Variants in XYLT1 observed in about 807,000 individuals in gnomAD.
XYLT1 encodes beta-D-xylosyltransferase 1.
XYLT1 carries 36 observed loss-of-function variants against 91.3 expected under a neutral mutation model. The ratio of observed to expected loss-of-function variants is 0.39; its 90% CI spans 0.30 to 0.52. The LOEUF is 0.52. Ranked by LOEUF, XYLT1 falls within the 20% of genes least tolerant of loss-of-function variation. XYLT1 has a pLI of 0.68. For missense variants in XYLT1, 1,242 were observed against 1,284.5 expected, an observed-to-expected ratio of 0.97 and a Z score of 0.51; for synonymous variants, 588 against 532.0, an observed-to-expected ratio of 1.11 and a Z score of -1.45.
At chr16:17,418,749 G>A (rs2036211501) in intron 1 of XYLT1, among the ~76,000 whole-genome samples, 1 of 152,044 alleles carries the variant, frequency 6.6e-6, no homozygotes, top group Non-Finnish European at 1.5e-5. Flanking sequence ...TTGGGAGTCT[G>A]AGGTGGGAGG....
intron 3 of XYLT1, among the ~76,000 whole-genome samples, chr16:17,206,132 T>A (rs893053445): frequency 2.0e-5 from 3 of 152,060 alleles, no homozygotes; most frequent in Non-Finnish European, 2.9e-5. Flanking sequence ...ATTTACAAAG[T>A]GGGAAGAGAG....
At chr16:17,323,597 C>T (rs916783500) in intron 2 of XYLT1, among the ~76,000 whole-genome samples, 2 of 152,206 alleles carry the variant, frequency 1.3e-5, no homozygotes, top group East Asian at 1.9e-4. Context: ...TTCGTCATCA[C>T]GGTTCACTTT....
At chr16:17,375,442 AT>A (rs1263406648) in intron 1 of XYLT1, among the ~76,000 whole-genome samples, 1 of 147,100 alleles carries the variant, frequency 6.8e-6, no homozygotes, top group East Asian at 1.9e-4. Flanking sequence ...AAAAAAAAAA[AT>A]AAAATTTTAG....
chr16:17,188,268 G>C (rs1449312145), intron 5 of XYLT1, among the ~76,000 whole-genome samples: 1 of 152,052 alleles, frequency 6.6e-6, no homozygotes, highest in Non-Finnish European at 1.5e-5. Flanking sequence ...CAGCCAGTAC[G>C]ATCTCTCAAT....
Position 17,203,076 on chromosome 16 carries a change from T to C in XYLT1, c.914-2422A>G, listed in dbSNP as rs1280056498. 2.0e-5 allele frequency among the ~76,000 whole-genome samples: 3 copies of C among 152,190 alleles called. No homozygotes were observed. In the East Asian group the frequency reaches 5.8e-4, roughly 29 times the overall value. On this transcript the variant is annotated intron_variant, in intron 3 of 11. Coordinates refer to ENST00000261381, the MANE Select transcript of XYLT1 (RefSeq NM_022166.4). ...TGGCTCAAGGTCACACTGCTTTAAT[T>C]AGTTAAGCTGAGATTCAAACACAGG...
chr16:17,149,354 C>A (rs193238538), intron 6 of XYLT1, among the ~76,000 whole-genome samples: 88 of 151,948 alleles, frequency 5.8e-4, no homozygotes, highest in African/African-American at 2.1e-3. Flanking sequence ...GGAATCTTCA[C>A]AAGCAGCTAA....
intron 3 of XYLT1, among the ~76,000 whole-genome samples, chr16:17,241,556 T>C (rs1352174394): frequency 1.3e-5 from 2 of 152,168 alleles, no homozygotes; most frequent in Non-Finnish European, 2.9e-5. Context: ...TTAATGGCCA[T>C]AAAATTTCAG....
intron 2 of XYLT1, among the ~76,000 whole-genome samples, chr16:17,316,783 C>T (rs1200700242): frequency 6.6e-6 from 1 of 150,798 alleles, no homozygotes; most frequent in African/African-American, 2.5e-5. Flanking sequence ...TTTACACAGA[C>T]CCTGTTACCT....
intron 2 of XYLT1, among the ~76,000 whole-genome samples, chr16:17,282,914 C>G (rs2034078576): frequency 6.6e-6 from 1 of 152,098 alleles, no homozygotes; most frequent in South Asian, 2.1e-4. Flanking sequence ...GCTACTATTG[C>G]TAACCCCATT....
intron 2 of XYLT1, among the ~76,000 whole-genome samples, chr16:17,305,775 C>G (rs1389514442): frequency 1.3e-5 from 2 of 152,106 alleles, no homozygotes; most frequent in African/African-American, 2.4e-5. Flanking sequence ...ACCCGGCAAA[C>G]CCCAGACTCT....
intron 1 of XYLT1, among the ~76,000 whole-genome samples, chr16:17,432,894 G>A (rs1030672664): frequency 6.6e-6 from 1 of 152,040 alleles, no homozygotes; most frequent in African/African-American, 2.4e-5. Flanking sequence ...AAAAAAACAC[G>A]CAAGGGCCAC....
intron 7 of XYLT1, among the ~76,000 whole-genome samples, chr16:17,139,792 G>GAAAT (rs1394429220): frequency 3.9e-5 from 6 of 152,352 alleles, no homozygotes; most frequent in Non-Finnish European, 8.8e-5. Context: ...GATTTTTGCT[G>GAAAT]AAATAGGATT....
At chr16:17,232,753 G>T (rs972773699) in intron 3 of XYLT1, among the ~76,000 whole-genome samples, 3 of 151,918 alleles carry the variant, frequency 2.0e-5, no homozygotes, top group African/African-American at 7.3e-5. Context: ...GTTGGCAATG[G>T]TGGTAGTGAT....
chr16:17,154,611 T>C (rs948539012), intron 6 of XYLT1, among the ~76,000 whole-genome samples: 2 of 152,140 alleles, frequency 1.3e-5, no homozygotes, highest in African/African-American at 2.4e-5. Flanking sequence ...CCTGGGAAAA[T>C]GACAATTGTG....
intron 6 of XYLT1, among the ~76,000 whole-genome samples, chr16:17,148,280 A>G (rs2031190706): frequency 6.6e-6 from 1 of 152,218 alleles, no homozygotes; most frequent in African/African-American, 2.4e-5. Context: ...CCTAAGGATG[A>G]CATCCCTCCC....
At chr16:17,279,173 C>G (rs979413837) in intron 2 of XYLT1, among the ~76,000 whole-genome samples, 1 of 152,164 alleles carries the variant, frequency 6.6e-6, no homozygotes, top group Non-Finnish European at 1.5e-5. Context: ...GCTCTGTGAT[C>G]AGGAGCATGA....
chr16:17,411,916 C>A (rs867098469), intron 1 of XYLT1, among the ~76,000 whole-genome samples: 17 of 152,228 alleles, frequency 1.1e-4, no homozygotes, highest in African/African-American at 3.9e-4. Flanking sequence ...GACTCACAAT[C>A]CGGCTGCCCA....
At chr16:17,288,687 T>TG (rs2034176471) in intron 2 of XYLT1, among the ~76,000 whole-genome samples, 1 of 152,222 alleles carries the variant, frequency 6.6e-6, no homozygotes, top group African/African-American at 2.4e-5. Flanking sequence ...CACTGCCATT[T>TG]GCTCTCTACT....
chr16:17,360,999 C>T (rs927456950), intron 1 of XYLT1, among the ~76,000 whole-genome samples: 1 of 152,198 alleles, frequency 6.6e-6, no homozygotes, highest in Admixed American at 6.5e-5. Flanking sequence ...AATGGGGAAC[C>T]AGGTGCACTG....
Sources: allele counts gnomAD v4.1 joint callset (sites outside exome capture counted in the v4.1 genomes callset), GRCh38; gene constraint gnomAD v4.1.1; transcripts MANE v1.5; gene names NCBI Gene and HGNC (gene_info 2026-07-23, HGNC 2026-07-21).